TRHDE: variants seen among roughly 807,000 people sequenced by gnomAD.
The protein encoded by TRHDE is thyrotropin releasing hormone degrading enzyme.
Under a neutral mutation model 125.7 loss-of-function variants are expected in TRHDE, and 72 were observed. The ratio of observed to expected loss-of-function variants is 0.57; its 90% CI spans 0.47 to 0.70. The LOEUF (loss-of-function observed/expected upper bound fraction) is 0.70, where lower values mean the gene tolerates loss of function less well. Among genes scored for constraint, TRHDE ranks in the 30% least tolerant of loss-of-function variants. The probability of loss-of-function intolerance (pLI) is 0.00; values close to 1 mark genes in which losing one functional copy is unlikely to be tolerated. For synonymous variants in TRHDE, 509 were observed against 509.1 expected, an observed-to-expected ratio of 1.00 and a Z score of 0.00; for missense variants, 1,110 against 1,327.1, an observed-to-expected ratio of 0.84 and a Z score of 2.54.
At chr12:72,324,661 A>G (rs996983408) in intron 2 of TRHDE, among the ~76,000 whole-genome samples, 1 of 152,122 alleles carries the variant, frequency 6.6e-6, no homozygotes, top group Non-Finnish European at 1.5e-5. Context: ...GGTTCTGTGG[A>G]GAAATTAGAG....
chr12:72,283,361 C>T (rs192571945), intron 1 of TRHDE, among the ~76,000 whole-genome samples: 16 of 152,230 alleles, frequency 1.1e-4, no homozygotes, highest in African/African-American at 3.9e-4. Context: ...GTAATCTAGT[C>T]CAACTGCTCT....
chr12:72,114,167 A>AG (rs1875387724), intron 2 of TRHDE, among the ~76,000 whole-genome samples: 1 of 12,168 alleles, frequency 8.2e-5, no homozygotes, highest in African/African-American at 2.6e-4. Flanking sequence ...TTGGGGAATG[A>AG]AAAAAAAAAA....
At chr12:72,546,717 T>G (rs1869438241) in intron 7 of TRHDE, among the ~76,000 whole-genome samples, 1 of 151,614 alleles carries the variant, frequency 6.6e-6, no homozygotes, top group South Asian at 2.1e-4. Flanking sequence ...TTTCTAAAAC[T>G]GTTGGCAGGG....
chr12:72,518,934 G>C (rs892618048), intron 6 of TRHDE, among the ~76,000 whole-genome samples: 6 of 152,044 alleles, frequency 3.9e-5, no homozygotes, highest in African/African-American at 7.2e-5. Context: ...TGAAATTCTG[G>C]GTTGAAAATT....
At chr12:72,386,538 A>G (rs1475552832) in intron 3 of TRHDE, among the ~76,000 whole-genome samples, 2 of 152,008 alleles carry the variant, frequency 1.3e-5, no homozygotes, top group African/African-American at 4.8e-5. Flanking sequence ...TTTCCCTATC[A>G]GCATTAAAAA....
chr12:72,099,336 A>T (rs1438783198), intron 1 of TRHDE, among the ~76,000 whole-genome samples: 1 of 152,172 alleles, frequency 6.6e-6, no homozygotes, highest in African/African-American at 2.4e-5. Context: ...TTTCTATGTC[A>T]GCATAGCCTT....
At chr12:72,333,705 G>A (rs1869705729) in intron 2 of TRHDE, among the ~76,000 whole-genome samples, 1 of 152,148 alleles carries the variant, frequency 6.6e-6, no homozygotes, top group South Asian at 2.1e-4. Flanking sequence ...ATGGAAATGG[G>A]GACAAAAATA....
In TRHDE at chr12:72,666,775, G is replaced by T. The variant is rs941829653; in HGVS notation, c.*3580G>T. ...TTGTTAACTTTTGCATTTCTAATTT[G>T]CAGGATGTTAAACAACTGGATGAAA... On this transcript the variant is annotated 3_prime_UTR_variant, in exon 19 of 19. Coordinates refer to ENST00000261180, the MANE Select transcript of TRHDE (RefSeq NM_013381.3). 1.3e-5 allele frequency: 2 copies of T among 151,978 alleles called. No homozygotes were observed. The highest frequency in any genetic ancestry group is 4.8e-5 in the African/African-American group (2 of 41,396). 9.4% of individuals were successfully genotyped at this position (151,978 alleles called of 1,614,324 possible).
chr12:72,621,929 G>T (rs895027719), intron 15 of TRHDE, among the ~76,000 whole-genome samples, 178 bp downstream of exon 15: 1 of 152,026 alleles, frequency 6.6e-6, no homozygotes, highest in South Asian at 2.1e-4. Flanking sequence ...CACAATACAG[G>T]TATCTTTGAA....
intron 5 of TRHDE, among the ~76,000 whole-genome samples, chr12:72,493,901 G>A (rs1475799630): frequency 6.6e-6 from 1 of 151,866 alleles, no homozygotes; most frequent in Non-Finnish European, 1.5e-5. Context: ...AGCCTTTTCG[G>A]TGTAGTCACA....
intron 6 of TRHDE, among the ~76,000 whole-genome samples, chr12:72,501,634 A>G (rs1323113148): frequency 4.6e-5 from 7 of 152,060 alleles, no homozygotes. Flanking sequence ...CTAATGAGGG[A>G]TATTAGTATG....
intron 2 of TRHDE, among the ~76,000 whole-genome samples, chr12:72,321,640 C>A (rs12302023): frequency 0.66 from 100,277 of 151,934 alleles, 33,353 homozygotes; most frequent in Non-Finnish European, 0.69. Flanking sequence ...GTGAATATTC[C>A]TTAAAATGTA....
chr12:72,368,169 C>A (rs1029888983), intron 2 of TRHDE, among the ~76,000 whole-genome samples: 1 of 151,968 alleles, frequency 6.6e-6, no homozygotes, highest in Non-Finnish European at 1.5e-5. Flanking sequence ...CCCTTGAAAT[C>A]GAATCAATGA....
At chr12:72,350,652 A>T (rs896644687) in intron 2 of TRHDE, among the ~76,000 whole-genome samples, 2 of 151,944 alleles carry the variant, frequency 1.3e-5, no homozygotes, top group Non-Finnish European at 2.9e-5. Context: ...CTAGGTACTG[A>T]ACTCCCTTCC....
At chr12:72,500,551 C>G (rs892333958) in intron 6 of TRHDE, among the ~76,000 whole-genome samples, 4 of 152,158 alleles carry the variant, frequency 2.6e-5, no homozygotes, top group African/African-American at 9.6e-5. Context: ...TCCACTATGC[C>G]TGGCTAATTT....
At chr12:72,145,681 G>A (rs1049516984) in intron 2 of TRHDE, among the ~76,000 whole-genome samples, 10 of 152,210 alleles carry the variant, frequency 6.6e-5, no homozygotes, top group Middle Eastern at 6.8e-3. Context: ...TTCAAAGACC[G>A]AATCCTTTCT....
intron 3 of TRHDE, among the ~76,000 whole-genome samples, chr12:72,413,595 G>A (rs1873606450): frequency 6.6e-6 from 1 of 151,666 alleles, no homozygotes; most frequent in African/African-American, 2.4e-5. Context: ...TTTTATTTCT[G>A]AAAGATAATG....
chr12:72,398,632 G>T (rs1039511264), intron 3 of TRHDE, among the ~76,000 whole-genome samples: 5 of 152,014 alleles, frequency 3.3e-5, no homozygotes, highest in African/African-American at 1.2e-4. Flanking sequence ...AATTACTTCT[G>T]ACTTAGTCTT....
chr12:72,286,859 C>T lies in TRHDE; in HGVS notation c.1093C>T (p.His365Tyr). Reference protein sequence around the residue: ...VFEEDGWVTDHFSQTPLMSTY... With the variant: ...VFEEDGWVTDYFSQTPLMSTY... ...TGAGGAAGATGGATGGGTTACGGAT[C>T]ACTTTTCACAGACCCCTCTCATGTC... The change falls in exon 2 of 19, where the codon CAC becomes TAC. Residue 365 changes from histidine (H) to tyrosine (Y), a missense_variant. Physicochemically the swap from His to Tyr is moderately conservative, Grantham distance 83. Transcript: ENST00000261180. 6.2e-7 allele frequency: 1 copy of T among 1,613,858 alleles called. No individual in the cohort carries two copies. The highest frequency in any genetic ancestry group is 1.6e-4 in the Middle Eastern group (1 of 6,062).
Sources: gnomAD v4.1 joint callset for allele counts (sites outside exome capture counted in the v4.1 genomes callset) on GRCh38, gnomAD v4.1.1 for gene constraint, MANE v1.5 for transcripts, NCBI Gene and HGNC (gene_info 2026-07-23, HGNC 2026-07-21) for gene names.